The following PDE4DIP variants were observed in gnomAD, a reference collection of about 807,000 sequenced individuals.
PDE4DIP encodes the protein myomegalin.
In PDE4DIP, 59 loss-of-function variants were observed where a neutral mutation model predicts 221.4. The ratio of observed to expected loss-of-function variants is 0.27; its 90% CI spans 0.22 to 0.33. The LOEUF (loss-of-function observed/expected upper bound fraction) is 0.33, where lower values mean the gene tolerates loss of function less well. Among genes scored for constraint, PDE4DIP ranks in the 10% least tolerant of loss-of-function variants. PDE4DIP has a pLI of 1.00. For missense variants in PDE4DIP, 1,036 were observed against 2,154.2 expected (o/e 0.48, Z 10.28); for synonymous variants, 404 against 815.9 (o/e 0.50, Z 8.60).
chr1:148,902,735 T>C (rs1480886850), intron 1 of PDE4DIP, among the ~76,000 whole-genome samples: 1 of 100,530 alleles, frequency 9.9e-6, no homozygotes, highest in African/African-American at 5.0e-5. Context: ...TATATATATA[T>C]ATATATATCC....
chr1:148,920,209 C>T (rs1413856260), intron 1 of PDE4DIP, among the ~76,000 whole-genome samples: 4 of 145,476 alleles, frequency 2.7e-5, no homozygotes, highest in East Asian at 2.0e-4. Flanking sequence ...CTTCGCTCAC[C>T]GAAACCTCCG....
intron 1 of PDE4DIP, among the ~76,000 whole-genome samples, chr1:148,915,172 G>C (rs1448291553): frequency 6.6e-6 from 1 of 150,504 alleles, no homozygotes; most frequent in Non-Finnish European, 1.5e-5. Context: ...GTTTGAGACA[G>C]AGTATGTCCC....
chr1:148,952,049 G>A, intron 5 of PDE4DIP: 2 of 1,010,892 alleles, frequency 2.0e-6, no homozygotes, highest in East Asian at 7.0e-5. Flanking sequence ...ACGTGGCACT[G>A]TCCGAGAATG....
chr1:149,029,871 C>T, exon 42 of PDE4DIP: 5 of 1,605,316 alleles, frequency 3.1e-6, no homozygotes, highest in Non-Finnish European at 4.3e-6. Context: ...AACTGAGCAT[C>T]TGAAGAACGC....
In PDE4DIP at chr1:148,948,389, T is replaced by C. The variant is rs184958117; in HGVS notation, c.636+10525T>C. 2.9e-4 allele frequency among the ~76,000 whole-genome samples: 44 copies of C among 150,376 alleles called. No homozygotes were observed. In the East Asian group the frequency reaches 7.7e-3, roughly 26 times the overall value. ...AATATTATCCTAAGGTGGGGCGCAG[T>C]GGAACCCGGGAGGCAGAGGTTGCAG... On this transcript the variant is annotated intron_variant, in intron 5 of 43. Transcript: ENST00000369354.
intron 31 of PDE4DIP, 27 bp from the exon 35 acceptor site, chr1:149,012,564 C>T (rs782414006): frequency 6.5e-7 from 1 of 1,529,112 alleles, no homozygotes. Flanking sequence ...TGATGTGTCT[C>T]TTTTCTCCTT....
exon 44 of PDE4DIP, chr1:149,032,271 G>C: frequency 3.3e-6 from 2 of 600,852 alleles, no homozygotes; most frequent in South Asian, 4.0e-5. Flanking sequence ...AGAAGGTTTT[G>C]TGATCCTGCC....
At chr1:148,821,209 T>A (rs1553360596) in intron 1 of PDE4DIP, among the ~76,000 whole-genome samples, 1 of 147,968 alleles carries the variant, frequency 6.8e-6, no homozygotes, top group Non-Finnish European at 1.5e-5. Context: ...ACCTAGATCC[T>A]AATTGCTTCC....
At chr1:148,967,931 A>C (rs782687584) in intron 13 of PDE4DIP, 26 bp downstream of exon 16, 2 of 790,114 alleles carry the variant, frequency 2.5e-6, no homozygotes, top group African/African-American at 3.4e-5. Flanking sequence ...ACTTTAAGGC[A>C]GTTGGTTCAG....
intron 5 of PDE4DIP, among the ~76,000 whole-genome samples, chr1:148,939,369 A>T (rs2050002814): frequency 1.3e-5 from 2 of 152,038 alleles, no homozygotes; most frequent in Admixed American, 1.3e-4. Context: ...ATTAGTTTAA[A>T]CCACTGCTTC....
At chr1:148,919,218 G>A (rs57793581) in intron 1 of PDE4DIP, among the ~76,000 whole-genome samples, 2 of 149,720 alleles carry the variant, frequency 1.3e-5, no homozygotes, top group African/African-American at 2.5e-5. Flanking sequence ...CTGATAGGTG[G>A]CTAGGTGTCT....
intron 27 of PDE4DIP, among the ~76,000 whole-genome samples, 183 bp from the exon 31 acceptor site, chr1:149,007,018 A>G (rs1276542283): frequency 1.3e-5 from 2 of 149,194 alleles, no homozygotes; most frequent in Non-Finnish European, 3.0e-5. Flanking sequence ...AAGTTTTTTA[A>G]TGCAATACTT....
intron 1 of PDE4DIP, among the ~76,000 whole-genome samples, chr1:148,920,133 TTTTA>T (rs58595415): frequency 1.4e-5 from 2 of 146,550 alleles, no homozygotes; most frequent in Admixed American, 6.7e-5. Flanking sequence ...TTTTTTTGGT[TTTTA>T]TTTATTTATT....
At chr1:148,889,171 G>A (rs2149280811), upstream of PDE4DIP, among the ~76,000 whole-genome samples, 1 of 152,178 alleles carries the variant, frequency 6.6e-6, no homozygotes, top group South Asian at 2.1e-4. Flanking sequence ...TTACCTTTGT[G>A]GGCCGTTTTA....
At chr1:148,982,207 T>C (rs1364605277) in intron 21 of PDE4DIP, 1 of 152,270 alleles carries the variant, frequency 6.6e-6, no homozygotes, top group Admixed American at 6.5e-5. Flanking sequence ...AAGCTCATGC[T>C]ATTTAGTCAG....
At chr1:148,914,880 A>T (rs1334360911) in intron 1 of PDE4DIP, among the ~76,000 whole-genome samples, 1 of 109,774 alleles carries the variant, frequency 9.1e-6, no homozygotes, top group East Asian at 2.2e-4. Context: ...GAATAATAGC[A>T]TGTTCGTATG....
Position 148,953,553 on chromosome 1 carries a change from A to T in PDE4DIP, c.637-7101A>T, listed in dbSNP as rs149242657. On this transcript the variant is annotated intron_variant, in intron 5 of 43. Transcript: ENST00000369354. Reference sequence around the variant, plus strand: ...CAGGCTAGCCCTCCACAACAGAAAGATGAGGAGACTGAGAGAAGTGCAAAG... The same window carrying T: ...CAGGCTAGCCCTCCACAACAGAAAGTTGAGGAGACTGAGAGAAGTGCAAAG... 202 of 1,614,136 alleles carry T rather than the reference A, an allele frequency of 1.3e-4. 1 individual carries two copies. The highest frequency in any genetic ancestry group is 1.6e-4 in the Middle Eastern group (1 of 6,062).
chr1:149,032,215 A>G (rs1158338291), exon 44 of PDE4DIP: 1 of 731,514 alleles, frequency 1.4e-6, no homozygotes, highest in East Asian at 2.7e-5. Context: ...ACGATTAGCC[A>G]AGGTCCACTT....
chr1:149,025,535 A>C (rs1297881325), intron 38 of PDE4DIP: 3 of 151,780 alleles, frequency 2.0e-5, no homozygotes, highest in Non-Finnish European at 4.4e-5. Context: ...CACTTCTCCC[A>C]GTTTTCATTG....
Sources: gnomAD v4.1 joint callset for allele counts (sites outside exome capture counted in the v4.1 genomes callset) on GRCh38, gnomAD v4.1.1 for gene constraint, MANE v1.5 for transcripts, NCBI Gene and HGNC (gene_info 2026-07-23, HGNC 2026-07-21) for gene names.